The following CHD1 variants were observed in gnomAD, a reference collection of about 807,000 sequenced individuals.
CHD1 encodes the protein ATP-dependent chromatin remodeler CHD1.
CHD1 carries 36 observed loss-of-function variants against 224.2 expected under a neutral mutation model. The observed-to-expected ratio is 0.16, with a 90% confidence interval of 0.12 to 0.21. The LOEUF is 0.21. Among genes scored for constraint, CHD1 ranks in the 10% least tolerant of loss-of-function variants. CHD1 has a pLI of 1.00. For missense variants in CHD1, 1,378 were observed against 1,994.8 expected (o/e 0.69, Z 5.89); for synonymous variants, 668 against 658.3 (o/e 1.01, Z -0.23).
chr5:98,928,206 G>C (rs1360497581), intron 1 of CHD1, among the ~76,000 whole-genome samples: 4 of 151,584 alleles, frequency 2.6e-5, no homozygotes. Flanking sequence ...CTCCCCACGT[G>C]CTGGGAGCCC....
chr5:98,926,374 T>C lies in CHD1; in HGVS notation c.13A>G (p.Ser5Gly). Residue 5 changes from serine to glycine, a missense_variant, in exon 2 of 36, where the codon AGT becomes GGT. By Grantham distance (56) the Ser-to-Gly change is moderately conservative. This residue lies in a region of CHD1 where 306 missense variants were observed against 298.1 expected (regional missense o/e 1.03). Coordinates refer to ENST00000614616, the MANE Select transcript of CHD1 (RefSeq NM_001270.4). ...CTGTTTCTAACACTTTCTTCATCAC[T>C]GTGTCCATTCATTGTAAATTATTAT... MNGH[S>G]DEESVRNSSG... 1 of 1,512,974 alleles carries C rather than the reference T, an allele frequency of 6.6e-7. No homozygotes were observed. Among genetic ancestry groups the C allele is most frequent in the Non-Finnish European group, 8.9e-7 (1 of 1,127,010 alleles). 93.7% of individuals were successfully genotyped at this position (1,512,974 alleles called of 1,614,324 possible). A position where few individuals can be genotyped will look rare whatever the true frequency, so the allele number is the denominator to read the frequency against.
chr5:98,914,214 C>T (rs1486457960), intron 2 of CHD1, among the ~76,000 whole-genome samples: 1 of 152,174 alleles, frequency 6.6e-6, no homozygotes, highest in African/African-American at 2.4e-5. Context: ...TTTGCATCTT[C>T]TCCCTGCTAG....
At chr5:98,872,767 G>A (rs1170711417) in intron 26 of CHD1, among the ~76,000 whole-genome samples, 2 of 152,078 alleles carry the variant, frequency 1.3e-5, no homozygotes. Flanking sequence ...ATTTCTCTAA[G>A]TGTTTTACCA....
rs1034701367 is a variant in CHD1 at position 98,854,457 on chromosome 5, T to C, written c.*1923A>G. 2.0e-4 allele frequency: 30 copies of C among 152,110 alleles called. No homozygotes were observed. Among genetic ancestry groups the C allele is most frequent in the Non-Finnish European group, 1.5e-4 (10 of 67,954 alleles). 9.4% of individuals were successfully genotyped at this position (152,110 alleles called of 1,614,324 possible). ...TCAAATGCTATCTTGTGGAATAAAA[T>C]AGTCATACTAAATGTAGAGAAAAGT... On this transcript the variant is annotated 3_prime_UTR_variant, in exon 36 of 36. Coordinates refer to ENST00000614616, the MANE Select transcript of CHD1 (RefSeq NM_001270.4).
At chr5:98,875,877 G>A (rs924382825) in intron 24 of CHD1, among the ~76,000 whole-genome samples, 3 of 152,056 alleles carry the variant, frequency 2.0e-5, no homozygotes, top group African/African-American at 7.2e-5. Flanking sequence ...TTAAATAAAT[G>A]TGTATATATA....
intron 2 of CHD1, among the ~76,000 whole-genome samples, chr5:98,909,330 T>C (rs536016465): frequency 6.6e-6 from 1 of 152,316 alleles, no homozygotes; most frequent in Non-Finnish European, 1.5e-5. Context: ...TCTAGAGGCT[T>C]GATCAGATTC....
At chr5:98,876,138 C>T (rs1749732014) in intron 24 of CHD1, among the ~76,000 whole-genome samples, 1 of 152,116 alleles carries the variant, frequency 6.6e-6, no homozygotes, top group Admixed American at 6.6e-5. Flanking sequence ...GAAAGGATCA[C>T]TATTGAGTCA....
At chr5:98,887,997 T>C in intron 17 of CHD1, 91 bp downstream of exon 17, 3 of 802,992 alleles carry the variant, frequency 3.7e-6, no homozygotes, top group Non-Finnish European at 5.5e-6. Context: ...TATAAAAACC[T>C]AAACACTTAT....
Position 98,899,488 on chromosome 5 carries a change from T to G in CHD1, c.1077A>C (p.Thr359=), listed in dbSNP as rs1481879761. The part of the protein sequence containing the change: ...LDNYKKKDQE[T]KRWLKNASPE... ...ATATACAGCATACTTACCATCTTTT[T>G]GTTTCCTGATCTTTTTTCTTATAAT... Residue 359 remains threonine, a synonymous_variant, in exon 8 of 36, where the codon ACA becomes ACC. Coordinates refer to ENST00000614616, the MANE Select transcript of CHD1 (RefSeq NM_001270.4). The G allele has an allele frequency of 1.9e-6, 3 of 1,586,150 alleles. No homozygotes were observed. Among genetic ancestry groups the G allele is most frequent in the Non-Finnish European group, 1.7e-6 (2 of 1,156,320 alleles).
chr5:98,921,521 C>T (rs1230565485), intron 2 of CHD1, among the ~76,000 whole-genome samples: 2 of 152,138 alleles, frequency 1.3e-5, no homozygotes, highest in East Asian at 1.9e-4. Context: ...ATGCCAACAC[C>T]GCTGGTCCAC....
Position 98,872,063 on chromosome 5 carries a change from A to T in CHD1, c.3849T>A (p.Ser1283Arg), listed in dbSNP as rs745460043. The change falls in exon 28 of 36, where the codon AGT becomes AGA. Residue 1283 changes from serine (S) to arginine (R), a missense_variant. By Grantham distance (110) the Ser-to-Arg change is moderately radical (BLOSUM62 -1). Around this residue, in one of 16 missense-constraint regions of CHD1, gnomAD observed 286 missense variants for 445.1 expected, o/e 0.64. Coordinates refer to ENST00000614616, the MANE Select transcript of CHD1 (RefSeq NM_001270.4). ...WEMIKMDPDL[S>R]LTHKILPDDP... Reference sequence around the variant, plus strand: ...AATAGATAAATACCTTGTGTGTTAGACTGAGGTCAGGATCCATTTTAATCA... The same window carrying T: ...AATAGATAAATACCTTGTGTGTTAGTCTGAGGTCAGGATCCATTTTAATCA... 7 of 1,611,764 alleles carry T rather than the reference A, an allele frequency of 4.3e-6. No homozygotes were observed. Among genetic ancestry groups the T allele is most frequent in the Non-Finnish European group, 5.9e-6 (7 of 1,178,584 alleles).
chr5:98,917,299 C>CCAAAAAAAAAAAAAAAAAAAAAAAAAAAA lies in CHD1; in HGVS notation c.53+9034_53+9035insTTTTTTTTTTTTTTTTTTTTTTTTTTTTG, dbSNP rs775841258. Among the ~76,000 whole-genome samples the CCAAAAAAAAAAAAAAAAAAAAAAAAAAAA allele has an allele frequency of 1.4e-3, 164 of 119,816 alleles. 21 individuals are homozygous for CCAAAAAAAAAAAAAAAAAAAAAAAAAAAA. Among genetic ancestry groups the CCAAAAAAAAAAAAAAAAAAAAAAAAAAAA allele is most frequent in the African/African-American group, 6.2e-3 (156 of 25,296 alleles). The allele number at this position is 119,816 out of a possible 152,430, so 78.6% of individuals were successfully genotyped here. ...GCCCATCCCTCCAAAAACAAAGAAA[C>CCAAAAAAAAAAAAAAAAAAAAAAAAAAAA]AAAAAAAAAAAACAACCTCTTAATT... is the stretch of plus-strand genomic sequence containing the variant. On this transcript the variant is annotated intron_variant, in intron 2 of 35. Transcript: ENST00000614616.
intron 2 of CHD1, 72 bp from the exon 3 acceptor site, chr5:98,905,170 A>C: frequency 1.3e-6 from 2 of 1,573,764 alleles, no homozygotes; most frequent in South Asian, 2.3e-5. Context: ...GTCAGCAGAA[A>C]GCCCCAAATC....
In CHD1 at chr5:98,869,925, A is replaced by T. The variant is rs368288050; in HGVS notation, c.3979-43T>A. ...AATTTTAACCAATTCTACAGATTTC[A>T]TTTTTAAAAACTTCATAAACATTAA... On this transcript the variant is annotated intron_variant, in intron 29 of 35. Transcript: ENST00000614616. 118 of 1,472,088 alleles carry T rather than the reference A, an allele frequency of 8.0e-5. No individual in the cohort carries two copies. The African/African-American group carries it at 1.5e-3, about 19-fold the overall frequency. 91.2% of individuals were successfully genotyped at this position (1,472,088 alleles called of 1,614,324 possible).
intron 23 of CHD1, among the ~76,000 whole-genome samples, chr5:98,878,300 C>T (rs1030886412): frequency 3.3e-5 from 5 of 152,228 alleles, no homozygotes; most frequent in Admixed American, 2.6e-4. Flanking sequence ...CCAGACCTTT[C>T]CCATCTGCTC....
intron 11 of CHD1, 40 bp from the exon 12 acceptor site, chr5:98,896,482 CAA>C: frequency 7.2e-7 from 1 of 1,397,578 alleles, no homozygotes; most frequent in Non-Finnish European, 1.0e-6. Flanking sequence ...AGGAAATATT[CAA>C]ATATACAAAG....
Position 98,928,698 on chromosome 5 carries a change from G to A in CHD1, c.-308C>T, listed in dbSNP as rs1005798571. The A allele has an allele frequency of 6.5e-6, 1 of 153,828 alleles. No individual in the cohort carries two copies. Among genetic ancestry groups the A allele is most frequent in the African/African-American group, 2.4e-5 (1 of 41,448 alleles). 9.5% of individuals were successfully genotyped at this position (153,828 alleles called of 1,614,324 possible). On this transcript the variant is annotated 5_prime_UTR_variant, in exon 1 of 36. Coordinates refer to ENST00000614616, the MANE Select transcript of CHD1 (RefSeq NM_001270.4). ...AGGGGACAGACGCGGAGGGGAAGGG[G>A]AAGCCCCGGTCCGCAGCACCAACGC... is the stretch of plus-strand genomic sequence containing the variant.
rs1395669715 is a variant in CHD1 at position 98,897,323 on chromosome 5, TTAG to T, written c.1366-6_1366-4del. ...AACCTTGGCCTTTGTTTTAATACCTTTAGTAGAAATAAACATTATTATGTAGAG... is the reference window on the plus strand; with the variant it reads ...AACCTTGGCCTTTGTTTTAATACCTTTAGAAATAAACATTATTATGTAGAG... On this transcript the variant is annotated splice_region_variant and splice_polypyrimidine_tract_variant and intron_variant, in intron 10 of 35. Transcript: ENST00000614616. 1 of 1,575,236 alleles carries T rather than the reference TTAG, an allele frequency of 6.3e-7. No individual in the cohort carries two copies. The highest frequency in any genetic ancestry group is 8.7e-7 in the Non-Finnish European group (1 of 1,154,236).
At chr5:98,860,656 A>G in intron 32 of CHD1, 1 of 156,410 alleles carries the variant, frequency 6.4e-6, no homozygotes, top group Non-Finnish European at 1.4e-5. Context: ...TGTGTATATC[A>G]AATCATCAAA....
Sources: gnomAD v4.1 joint callset for allele counts (sites outside exome capture counted in the v4.1 genomes callset) on GRCh38, gnomAD v4.1.1 for gene constraint, gnomAD v4.1.1 regional missense constraint, MANE v1.5 for transcripts, NCBI Gene and HGNC (gene_info 2026-07-23, HGNC 2026-07-21) for gene names.